The following TRIM61 variants were observed in gnomAD, a reference collection of about 807,000 sequenced individuals.
TRIM61 encodes the protein putative tripartite motif-containing protein 61.
In TRIM61, 1 loss-of-function variant was observed where a neutral mutation model predicts 14.2. That is an observed-to-expected ratio of 0.07 (90% confidence interval 0.03 to 0.33). TRIM61 has a LOEUF of 0.33. TRIM61 is among the 10% of genes least tolerant of loss of function. The pLI is 0.99. For missense variants in TRIM61, 19 were observed against 202.2 expected (o/e 0.09, Z 5.49); for synonymous variants, 8 against 71.6 (o/e 0.11, Z 4.49).
chr4:164,957,063 TC>T (rs748075991), intron 3 of TRIM61: 1 of 1,525,442 alleles, frequency 6.6e-7, no homozygotes, highest in African/African-American at 1.4e-5. Flanking sequence ...TGTCCTCTTC[TC>T]CCCGGACCCA....
chr4:164,958,301 A>T (rs1246254390), intron 3 of TRIM61: 2 of 167,082 alleles, frequency 1.2e-5, no homozygotes, highest in African/African-American at 4.8e-5. Flanking sequence ...AGTAAGACCC[A>T]GTAATGTTAG....
chr4:164,959,211 A>G (rs1579142063), intron 3 of TRIM61: 1 of 166,358 alleles, frequency 6.0e-6, no homozygotes, highest in East Asian at 1.9e-4. Flanking sequence ...TTTGTTGATT[A>G]TATTCATTTT....
At position 164,960,883 on chromosome 4, in the gene TRIM61, G is replaced by A. The variant is rs141030901; in HGVS notation, c.526-5787C>T. On this transcript the variant is annotated intron_variant, in intron 3 of 4. Transcript: ENST00000329314. Reference sequence around the variant, plus strand: ...GGAAAATCACTTGAAACCAGGAAGCGGAGGTCGTAGTGAGCCAAGATGGTG... The same window carrying A: ...GGAAAATCACTTGAAACCAGGAAGCAGAGGTCGTAGTGAGCCAAGATGGTG... Among the ~76,000 whole-genome samples the A allele has an allele frequency of 2.6e-5, 4 of 152,054 alleles. No individual in the cohort carries two copies. The East Asian group carries it at 7.7e-4, about 29-fold the overall frequency.
chr4:164,969,129 G>C, intron 3 of TRIM61: 1 of 1,110,660 alleles, frequency 9.0e-7, no homozygotes, highest in Non-Finnish European at 1.1e-6. Context: ...ACTTGAAATC[G>C]CTTGATAATT....
intron 3 of TRIM61, chr4:164,957,002 C>T: frequency 1.4e-6 from 2 of 1,471,064 alleles, no homozygotes; most frequent in Admixed American, 2.6e-5. Context: ...GAGACCGGGG[C>T]AGCGCCATGT....
chr4:164,967,028 C>A (rs1732258515), intron 3 of TRIM61, among the ~76,000 whole-genome samples: 1 of 152,066 alleles, frequency 6.6e-6, no homozygotes, highest in Non-Finnish European at 1.5e-5. Flanking sequence ...TACGGAAACT[C>A]CAATGGAATC....
rs951509599 is a variant in TRIM61 at position 164,954,542 on chromosome 4, T to C, written c.*243A>G. 6.6e-5 allele frequency: 10 copies of C among 152,244 alleles called. No individual in the cohort carries two copies. Among genetic ancestry groups the C allele is most frequent in the Admixed American group, 2.0e-4 (3 of 15,286 alleles). 9.4% of individuals were successfully genotyped at this position (152,244 alleles called of 1,614,324 possible). A position where few individuals can be genotyped will look rare whatever the true frequency, so the allele number is the denominator to read the frequency against. ...CATCTAAAATTATATATATTGATTATAATTCAATATGTTCTTGTATTAATT... is the reference window on the plus strand; with the variant it reads ...CATCTAAAATTATATATATTGATTACAATTCAATATGTTCTTGTATTAATT... On this transcript the variant is annotated 3_prime_UTR_variant, in exon 5 of 5. Transcript: ENST00000329314.
intron 2 of TRIM61, among the ~76,000 whole-genome samples, chr4:164,973,647 A>C (rs1732420586): frequency 6.6e-6 from 1 of 152,224 alleles, no homozygotes; most frequent in South Asian, 2.1e-4. Context: ...GTAGGAAATA[A>C]TACTGTCTCA....
chr4:164,968,065 T>C (rs1732279118), intron 3 of TRIM61: 2 of 646,674 alleles, frequency 3.1e-6, no homozygotes, highest in Non-Finnish European at 3.8e-6. Context: ...GGCTGAAGAA[T>C]AGCTTGAACC....
At chr4:164,971,129 AAT>A (rs767467889) in intron 2 of TRIM61, among the ~76,000 whole-genome samples, 5 of 152,136 alleles carry the variant, frequency 3.3e-5, no homozygotes, top group African/African-American at 1.2e-4. Context: ...GGAACAAATA[AAT>A]ATGAGATTCT....
chr4:164,957,563 CT>C, intron 3 of TRIM61: 2 of 1,493,096 alleles, frequency 1.3e-6, no homozygotes, highest in Non-Finnish European at 1.8e-6. Context: ...GTGTAAAATG[CT>C]TTAAATAAGC....
chr4:164,958,438 C>G (rs941949464), intron 3 of TRIM61: 1 of 166,978 alleles, frequency 6.0e-6, no homozygotes, highest in Non-Finnish European at 1.5e-5. Flanking sequence ...GGTATGATTT[C>G]TAACCTCTTA....
chr4:164,956,388 G>A (rs1731990823), intron 3 of TRIM61, among the ~76,000 whole-genome samples: 1 of 152,000 alleles, frequency 6.6e-6, no homozygotes, highest in South Asian at 2.1e-4. Flanking sequence ...TTTAAATTGT[G>A]GAGTATTTCA....
intron 2 of TRIM61, among the ~76,000 whole-genome samples, chr4:164,971,647 CAG>C (rs1234097035): frequency 1.3e-5 from 2 of 149,804 alleles, no homozygotes; most frequent in Non-Finnish European, 3.0e-5. Context: ...AAGTTAACAA[CAG>C]GGGTGAATCC....
intron 2 of TRIM61, among the ~76,000 whole-genome samples, chr4:164,972,642 C>T (rs990454829): frequency 3.3e-5 from 5 of 152,174 alleles, no homozygotes; most frequent in African/African-American, 1.2e-4. Context: ...GCGTGCGCCA[C>T]CACACCCGGC....
At chr4:164,968,423 T>C in intron 3 of TRIM61, 1 of 984,850 alleles carries the variant, frequency 1.0e-6, no homozygotes, top group Non-Finnish European at 1.2e-6. Flanking sequence ...CATAATTTAA[T>C]ATAAAGTAGG....
At chr4:164,967,838 TAAA>T (rs755202669) in intron 3 of TRIM61, among the ~76,000 whole-genome samples, 1 of 140,242 alleles carries the variant, frequency 7.1e-6, no homozygotes. Context: ...AAACTTTAGT[TAAA>T]AAAAAAAAAA....
Position 164,969,570 on chromosome 4 carries a change from CCA to C in TRIM61, c.431_432del (p.Leu144ArgfsTer15), listed in dbSNP as rs780222110. 2 of 1,506,782 alleles carry C rather than the reference CCA, an allele frequency of 1.3e-6. No homozygotes were observed. Among genetic ancestry groups the C allele is most frequent in the African/African-American group, 2.8e-5 (2 of 71,820 alleles). 93.3% of individuals were successfully genotyped at this position (1,506,782 alleles called of 1,614,324 possible). Reference sequence around the variant, plus strand: ...TCCTTCCACGGTGCATTGTATTCCTCCAGTTTTTTCCTATGATAGGAGGCAGC... The same window carrying C: ...TCCTTCCACGGTGCATTGTATTCCTCGTTTTTTCCTATGATAGGAGGCAGC... On this transcript the variant is annotated frameshift_variant, in exon 3 of 5. Transcript: ENST00000329314. LOFTEE classifies it high-confidence loss of function.
intron 3 of TRIM61, among the ~76,000 whole-genome samples, chr4:164,961,153 C>CAAAAAGAAAA (rs1732123609): frequency 1.3e-4 from 4 of 31,718 alleles, no homozygotes; most frequent in African/African-American, 4.2e-4. Flanking sequence ...AACTCTCAGG[C>CAAAAAGAAAA]AAAAAAAAAA....
Sources: allele counts gnomAD v4.1 joint callset (sites outside exome capture counted in the v4.1 genomes callset), GRCh38; gene constraint gnomAD v4.1.1; transcripts MANE v1.5; gene names NCBI Gene and HGNC (gene_info 2026-07-23, HGNC 2026-07-21).